Variants in DRC8 observed in about 807,000 individuals in gnomAD.
DRC8 encodes dynein regulatory complex protein 8.
At chr1:245,031,701 T>A in the DRC8 span, among the ~76,000 whole-genome samples, 2 of 152,122 alleles carry the variant, frequency 1.3e-5, no homozygotes, top group African/African-American at 4.8e-5. Context: ...TTGATTTTGC[T>A]CCACAGGGAC....
chr1:245,018,877 C>T, the DRC8 span, among the ~76,000 whole-genome samples: 2 of 152,164 alleles, frequency 1.3e-5, no homozygotes, highest in East Asian at 1.9e-4. Flanking sequence ...GAAGGTAAAT[C>T]GTTTGCTCCA....
At chr1:245,095,451 A>G in the DRC8 span, among the ~76,000 whole-genome samples, 1 of 152,220 alleles carries the variant, frequency 6.6e-6, no homozygotes, top group Admixed American at 6.5e-5. Flanking sequence ...CATAAGGAAC[A>G]ATCTTTCCAT....
At chr1:245,075,176 A>G in the DRC8 span, among the ~76,000 whole-genome samples, 2 of 152,178 alleles carry the variant, frequency 1.3e-5, no homozygotes, top group Non-Finnish European at 2.9e-5. Flanking sequence ...TTATGAGAAA[A>G]GAGATGGCCT....
At chr1:245,062,303 C>T in the DRC8 span, among the ~76,000 whole-genome samples, 69,194 of 152,082 alleles carry the variant, frequency 0.45, 17,311 homozygotes, top group East Asian at 0.7. Context: ...AATCATTTAA[C>T]TTTGATCCAT....
chr1:245,061,967 G>A, the DRC8 span, among the ~76,000 whole-genome samples: 25 of 152,110 alleles, frequency 1.6e-4, no homozygotes, highest in Non-Finnish European at 2.1e-4. Context: ...ATAGCTGGGT[G>A]TGGTGGTACA....
At chr1:245,006,000 G>C in the DRC8 span, among the ~76,000 whole-genome samples, 1 of 152,180 alleles carries the variant, frequency 6.6e-6, no homozygotes, top group African/African-American at 2.4e-5. Flanking sequence ...GGACACTACA[G>C]AGACTTCCTG....
chr1:245,079,528 C>T, the DRC8 span, among the ~76,000 whole-genome samples: 6 of 152,096 alleles, frequency 3.9e-5, no homozygotes, highest in East Asian at 1.9e-4. Flanking sequence ...CCCGGGGAAG[C>T]GATATGAGGC....
At chr1:245,116,868 T>A in the DRC8 span, among the ~76,000 whole-genome samples, 1 of 152,060 alleles carries the variant, frequency 6.6e-6, no homozygotes, top group Non-Finnish European at 1.5e-5. Context: ...GTTTTTATCT[T>A]CCTTCTGTGG....
chr1:245,110,971 T>C, the DRC8 span, among the ~76,000 whole-genome samples: 1 of 152,154 alleles, frequency 6.6e-6, no homozygotes, highest in South Asian at 2.1e-4. Context: ...ATGTCAGCTA[T>C]GGTATACCAG....
the DRC8 span, among the ~76,000 whole-genome samples, chr1:245,044,381 C>T: frequency 1.3e-4 from 20 of 152,096 alleles, no homozygotes; most frequent in African/African-American, 4.1e-4. Context: ...ATATGCAAAA[C>T]GAGTTTATAT....
the DRC8 span, among the ~76,000 whole-genome samples, chr1:245,047,036 C>G: frequency 4.4e-4 from 67 of 152,298 alleles, no homozygotes; most frequent in African/African-American, 1.6e-3. Context: ...ATCTGAAAAG[C>G]CATCTCTCTT....
chr1:245,016,203 A>T, the DRC8 span, among the ~76,000 whole-genome samples: 2 of 151,674 alleles, frequency 1.3e-5, no homozygotes, highest in East Asian at 3.9e-4. Flanking sequence ...CTGGTCTCAA[A>T]CTCCTGACCT....
chr1:244,986,456 A>G, the DRC8 span, among the ~76,000 whole-genome samples: 1 of 152,222 alleles, frequency 6.6e-6, no homozygotes, highest in African/African-American at 2.4e-5. Flanking sequence ...GAAGTTTGAA[A>G]GTAGGCAGAG....
the DRC8 span, chr1:245,123,654 C>T: frequency 6.6e-6 from 1 of 152,572 alleles, no homozygotes. The surrounding 1 kb of genome is among the most constrained non-coding windows in gnomAD (Gnocchi z 5.0). Context: ...CCACCAAATT[C>T]CTATGCATGG....
chr1:244,996,787 C>A, the DRC8 span, among the ~76,000 whole-genome samples: 4 of 152,096 alleles, frequency 2.6e-5, no homozygotes, highest in Non-Finnish European at 5.9e-5. Flanking sequence ...TTAGCAGCAG[C>A]CATTTAATGT....
At chr1:245,062,843 A>T in the DRC8 span, among the ~76,000 whole-genome samples, 3,434 of 152,192 alleles carry the variant, frequency 0.023, 47 homozygotes, top group Non-Finnish European at 0.035. Context: ...CTCCCTCTTC[A>T]ATCTGTCTGC....
chr1:245,033,693 T>G, the DRC8 span, among the ~76,000 whole-genome samples: 1 of 152,140 alleles, frequency 6.6e-6, no homozygotes, highest in Non-Finnish European at 1.5e-5. Flanking sequence ...TTGTTTTCTT[T>G]TCTTTTCTCT....
At chr1:245,090,270 G>A in the DRC8 span, among the ~76,000 whole-genome samples, 2 of 152,160 alleles carry the variant, frequency 1.3e-5, no homozygotes, top group Non-Finnish European at 2.9e-5. Flanking sequence ...GAGAGGGCTC[G>A]GGGCCCTAAA....
the DRC8 span, among the ~76,000 whole-genome samples, chr1:245,058,947 C>G: frequency 6.6e-6 from 1 of 152,180 alleles, no homozygotes; most frequent in Non-Finnish European, 1.5e-5. Context: ...TCTAGTAAGT[C>G]ACAGAGCTGG....
Sources: gnomAD v4.1 joint callset for allele counts (sites outside exome capture counted in the v4.1 genomes callset) on GRCh38, gnomAD v4.1.1 for gene constraint, Gnocchi (gnomAD v3.1) non-coding constraint, MANE v1.5 for transcripts, NCBI Gene and HGNC (gene_info 2026-07-23, HGNC 2026-07-21) for gene names.